PCDHA4: variants seen among roughly 807,000 people sequenced by gnomAD.
The protein encoded by PCDHA4 is protocadherin alpha-4.
In PCDHA4, 49 loss-of-function variants were observed where a neutral mutation model predicts 61.4. The observed-to-expected ratio is 0.80, with a 90% CI of 0.63 to 1.01. The LOEUF is 1.01. Among genes scored for constraint, PCDHA4 ranks in the 50% least tolerant of loss-of-function variants. The probability of loss-of-function intolerance (pLI) is 0.00; values close to 1 mark genes in which losing one functional copy is unlikely to be tolerated. For synonymous variants in PCDHA4, 590 were observed against 550.3 expected, an observed-to-expected ratio of 1.07 and a Z score of -1.01; for missense variants, 1,254 against 1,235.8, an observed-to-expected ratio of 1.01 and a Z score of -0.22.
rs375305711 is a variant in PCDHA4 at position 140,857,742 on chromosome 5, T to C, written c.2385+48170T>C. 63 of 1,597,390 alleles carry C rather than the reference T, an allele frequency of 3.9e-5. No homozygotes were observed. In the East Asian group the frequency reaches 5.1e-4, roughly 13 times the overall value. On this transcript the variant is annotated intron_variant, in intron 1 of 3. Coordinates refer to ENST00000530339, the MANE Select transcript of PCDHA4 (RefSeq NM_018907.4). Reference sequence around the variant, plus strand: ...GAGAACGACAACGCTCCCGCGCTGCTGGCGTCTCCCGCTGGCAGCGCGGGC... The same window carrying C: ...GAGAACGACAACGCTCCCGCGCTGCCGGCGTCTCCCGCTGGCAGCGCGGGC...
chr5:140,863,055 G>T (rs570398935), intron 1 of PCDHA4: 9 of 563,522 alleles, frequency 1.6e-5, no homozygotes, highest in African/African-American at 1.3e-4. Context: ...GGCAGCACCC[G>T]TTCCACGTGG....
chr5:140,843,740 C>G (rs782492231), intron 1 of PCDHA4: 1 of 1,536,514 alleles, frequency 6.5e-7, no homozygotes, highest in Non-Finnish European at 8.9e-7. Flanking sequence ...ATTTAGAACT[C>G]ATAAATTCTA....
chr5:140,836,791 G>T (rs780841391), intron 1 of PCDHA4: 4 of 1,417,390 alleles, frequency 2.8e-6, no homozygotes, highest in Non-Finnish European at 2.9e-6. Context: ...TAGTTCAATT[G>T]GTCTCCTTAA....
chr5:140,871,046 T>C, intron 1 of PCDHA4: 1 of 1,613,310 alleles, frequency 6.2e-7, no homozygotes, highest in Non-Finnish European at 8.5e-7. Context: ...CGACTTCTAG[T>C]ACTGGTGAAG....
intron 1 of PCDHA4, among the ~76,000 whole-genome samples, chr5:140,901,937 A>G (rs2068997026): frequency 6.7e-6 from 1 of 148,692 alleles, no homozygotes; most frequent in South Asian, 2.1e-4. Context: ...ATTCCTAGGT[A>G]TATTTAGTTT....
Position 140,853,023 on chromosome 5 carries a change from C to T in PCDHA4, c.2385+43451C>T, listed in dbSNP as rs1239749008. On this transcript the variant is annotated intron_variant, in intron 1 of 3. Transcript: ENST00000530339. ...CCTCCCGAGTAGCTGGGACTACAGG[C>T]GCCTGCCACCATGCCCGCCTAATTT... 6 of 257,856 alleles carry T rather than the reference C, an allele frequency of 2.3e-5. 1 individual carries two copies. The highest frequency in any genetic ancestry group is 1.2e-4 in the African/African-American group (5 of 42,466). 16.0% of individuals were successfully genotyped at this position (257,856 alleles called of 1,614,324 possible). A position where few individuals can be genotyped will look rare whatever the true frequency, so the allele number is the denominator to read the frequency against.
intron 1 of PCDHA4, among the ~76,000 whole-genome samples, chr5:140,952,114 A>G (rs246038): frequency 0.56 from 85,531 of 151,814 alleles, 24,721 homozygotes; most frequent in African/African-American, 0.69. Flanking sequence ...CGTGTGAGGG[A>G]TGGGCTCCCA....
chr5:140,858,465 T>C lies in PCDHA4; in HGVS notation c.2385+48893T>C, dbSNP rs1554151663. The C allele has an allele frequency of 1.3e-6, 2 of 1,522,706 alleles. 1 individual carries two copies. The allele number at this position is 1,522,706 out of a possible 1,614,324, so 94.3% of individuals were successfully genotyped here. ...GGTTATTACGTTTTCATTTTCCTTT[T>C]GTGCTTTATGAATAATATTTTCTCT... On this transcript the variant is annotated intron_variant, in intron 1 of 3. Coordinates refer to ENST00000530339, the MANE Select transcript of PCDHA4 (RefSeq NM_018907.4).
intron 1 of PCDHA4, chr5:140,869,778 C>G (rs782226363): frequency 6.2e-7 from 1 of 1,612,924 alleles, no homozygotes. Flanking sequence ...TTACTGGCAC[C>G]GTTCGGCTGT....
At chr5:140,942,618 G>A (rs2093340526) in intron 1 of PCDHA4, among the ~76,000 whole-genome samples, 1 of 97,740 alleles carries the variant, frequency 1.0e-5, no homozygotes. Context: ...TTTGCCAATT[G>A]TAAAAAAAAA....
chr5:140,868,090 T>C (rs2050270367), intron 1 of PCDHA4: 2 of 152,144 alleles, frequency 1.3e-5, no homozygotes, highest in Non-Finnish European at 2.9e-5. Flanking sequence ...TTTTATAAAA[T>C]GATAATAAAA....
rs782257127 is a variant in PCDHA4, at chr5:140,870,719, C to G, written c.2385+61147C>G. On this transcript the variant is annotated intron_variant, in intron 1 of 3. Coordinates refer to ENST00000530339, the MANE Select transcript of PCDHA4 (RefSeq NM_018907.4). ...CAGTTCCAGGTGAGCGCGCGCGATG[C>G]GGGCGTGCCGCCTCTGAGCAGCAAC... 3.7e-6 allele frequency: 6 copies of G among 1,612,966 alleles called. No homozygotes were observed. In the African/African-American group the frequency reaches 4.0e-5, roughly 11 times the overall value.
intron 1 of PCDHA4, chr5:140,841,949 T>G (rs2150326373): frequency 6.2e-7 from 1 of 1,613,920 alleles, no homozygotes. Context: ...TGCGCACCAC[T>G]TATTCCTGAC....
chr5:140,892,580 A>G (rs1462175198), intron 1 of PCDHA4, among the ~76,000 whole-genome samples: 1 of 152,198 alleles, frequency 6.6e-6, no homozygotes, highest in African/African-American at 2.4e-5. Context: ...AGTATATCTC[A>G]GTATTCATTC....
intron 1 of PCDHA4, among the ~76,000 whole-genome samples, chr5:140,973,163 G>A (rs1473284872): frequency 1.3e-5 from 2 of 152,166 alleles, no homozygotes; most frequent in African/African-American, 4.8e-5. Context: ...GCAATTTGTA[G>A]TCACCAAACC....
chr5:140,983,704 A>T (rs1364816662), intron 3 of PCDHA4, among the ~76,000 whole-genome samples: 3 of 152,226 alleles, frequency 2.0e-5, no homozygotes, highest in Non-Finnish European at 4.4e-5. Flanking sequence ...AAATCCAAGT[A>T]TATCTAGCAC....
At chr5:140,904,176 C>T (rs782427504) in intron 1 of PCDHA4, among the ~76,000 whole-genome samples, 31 of 152,098 alleles carry the variant, frequency 2.0e-4, no homozygotes, top group African/African-American at 6.7e-4. Context: ...TTTTATTCCT[C>T]ACCCCCTTCC....
intron 1 of PCDHA4, chr5:140,928,126 C>T (rs782461261): frequency 1.2e-6 from 2 of 1,614,176 alleles, no homozygotes; most frequent in Non-Finnish European, 1.7e-6. Context: ...CAGTGAATAC[C>T]AAGTCCTGAT....
rs199624636 is a variant in PCDHA4, at chr5:141,009,721, C to T, written c.2628C>T (p.Ser876=). The change falls in exon 4 of 4, where the codon TCC becomes TCT. Residue 876 remains serine (S), a synonymous_variant. Coordinates refer to ENST00000530339, the MANE Select transcript of PCDHA4 (RefSeq NM_018907.4). ...FKYGPGNPKQ[S]GPGELPDKFI... ...ACGGACCAGGCAACCCCAAACAATCCGGTCCCGGTGAGTTGCCCGACAAAT... is the reference window on the plus strand; with the variant it reads ...ACGGACCAGGCAACCCCAAACAATCTGGTCCCGGTGAGTTGCCCGACAAAT... 1.3e-5 allele frequency: 21 copies of T among 1,614,012 alleles called. No individual in the cohort carries two copies. The highest frequency in any genetic ancestry group is 1.7e-5 in the Non-Finnish European group (20 of 1,180,038).
Sources: gnomAD v4.1 joint callset for allele counts (sites outside exome capture counted in the v4.1 genomes callset) on GRCh38, gnomAD v4.1.1 for gene constraint, MANE v1.5 for transcripts, NCBI Gene and HGNC (gene_info 2026-07-23, HGNC 2026-07-21) for gene names.